The following CDH20 variants were observed in gnomAD, a reference collection of about 807,000 sequenced individuals.
CDH20 encodes cadherin-20.
Under a neutral mutation model 74.2 loss-of-function variants are expected in CDH20, and 29 were observed. The ratio of observed to expected loss-of-function variants is 0.39; its 90% CI spans 0.29 to 0.53. CDH20 has a LOEUF of 0.53. CDH20 is among the 20% of genes least tolerant of loss of function. The pLI is 0.69. For synonymous variants in CDH20, 469 were observed against 405.4 expected, an observed-to-expected ratio of 1.16 and a Z score of -1.88; for missense variants, 988 against 1,048.3, an observed-to-expected ratio of 0.94 and a Z score of 0.79.
Position 61,359,749 on chromosome 18 carries a change from A to G in CDH20, c.-153+25922A>G, listed in dbSNP as rs75889075. 4.1e-4 allele frequency among the ~76,000 whole-genome samples: 63 copies of G among 152,356 alleles called. No homozygotes were observed. In the East Asian group the frequency reaches 0.01, roughly 25 times the overall value. ...TGTTTGGAAACAATAGATGTTCCTT[A>G]TAGGTGACCCAAAATTGATCTTTCT... On this transcript the variant is annotated intron_variant, in intron 1 of 11. Transcript: ENST00000262717.
intron 3 of CDH20, among the ~76,000 whole-genome samples, chr18:61,500,121 A>G (rs1487399166): frequency 5.2e-5 from 1 of 19,262 alleles, no homozygotes; most frequent in African/African-American, 2.8e-4. Context: ...AAAAAAAAAA[A>G]AAAAAAAAAA....
chr18:61,465,904 T>G (rs1909945462), intron 1 of CDH20, among the ~76,000 whole-genome samples: 1 of 151,598 alleles, frequency 6.6e-6, no homozygotes, highest in Non-Finnish European at 1.5e-5. Flanking sequence ...AAAAAAAAAT[T>G]TACAAATTAG....
chr18:61,411,154 C>T (rs1016602397), intron 1 of CDH20, among the ~76,000 whole-genome samples: 1 of 149,910 alleles, frequency 6.7e-6, no homozygotes, highest in South Asian at 2.1e-4. Flanking sequence ...AGCCGAGATA[C>T]GCCACTGCAC....
At chr18:61,474,636 T>C (rs1184369792) in intron 1 of CDH20, among the ~76,000 whole-genome samples, 2 of 152,218 alleles carry the variant, frequency 1.3e-5, no homozygotes, top group East Asian at 3.9e-4. Context: ...GTTCACTTTT[T>C]ATTTAAATAA....
At position 61,539,110 on chromosome 18, in the gene CDH20, G is replaced by A. The variant is rs773156060; in HGVS notation, c.1495G>A (p.Glu499Lys). 6.2e-7 allele frequency: 1 copy of A among 1,613,946 alleles called. No homozygotes were observed. Among genetic ancestry groups the A allele is most frequent in the African/African-American group, 1.3e-5 (1 of 74,896 alleles). Reference protein sequence around the residue: ...DNAPEFPRFYEAFVCENAKAG... With the variant: ...DNAPEFPRFYKAFVCENAKAG... ...TGCTCCAGAGTTCCCCAGATTCTAT[G>A]AAGCTTTTGTCTGTGAGAACGCCAA... The change falls in exon 9 of 12, where the codon GAA becomes AAA. Residue 499 changes from glutamate (E) to lysine (K), a missense_variant. Coordinates refer to ENST00000262717, the MANE Select transcript of CDH20 (RefSeq NM_031891.4).
At chr18:61,442,377 A>AT (rs1471328778) in intron 1 of CDH20, among the ~76,000 whole-genome samples, 1 of 151,086 alleles carries the variant, frequency 6.6e-6, no homozygotes, top group Non-Finnish European at 1.5e-5. Flanking sequence ...AAAGAAAAAA[A>AT]AAAAAAACAG....
At chr18:61,528,354 G>T (rs1460938174) in intron 7 of CDH20, 134 bp downstream of exon 7, 82 of 873,098 alleles carry the variant, frequency 9.4e-5, no homozygotes, top group South Asian at 4.0e-4. Context: ...TGAGTTTTTT[G>T]TGTTGTTTTT....
intron 4 of CDH20, among the ~76,000 whole-genome samples, chr18:61,502,268 C>G (rs778842719): frequency 6.6e-6 from 1 of 152,010 alleles, no homozygotes; most frequent in African/African-American, 2.4e-5. Flanking sequence ...TAAATGAAAC[C>G]GTATCTGCTG....
intron 1 of CDH20, chr18:61,405,171 T>G: frequency 1.9e-6 from 1 of 515,312 alleles, no homozygotes; most frequent in Admixed American, 2.6e-5. Flanking sequence ...ATTGATCAAC[T>G]CCAGCGACTT....
intron 2 of CDH20, among the ~76,000 whole-genome samples, chr18:61,495,853 T>G (rs2144307553): frequency 2.0e-5 from 3 of 152,250 alleles, no homozygotes; most frequent in Admixed American, 2.0e-4. Context: ...TTTTGTTCCC[T>G]GACTACACCA....
intron 1 of CDH20, among the ~76,000 whole-genome samples, chr18:61,425,685 G>A (rs1299187452): frequency 6.6e-6 from 1 of 152,124 alleles, no homozygotes; most frequent in Non-Finnish European, 1.5e-5. Flanking sequence ...TTATATAATG[G>A]ACTTAGGGGA....
chr18:61,554,447 A>T lies in CDH20; in HGVS notation c.2158A>T (p.Ser720Cys), dbSNP rs1465009645. ...CGTGCCTCAGACGTGCGCAGTGAAC[A>T]GCACTGTCCACAGCTACGTGCTGGC... is the stretch of plus-strand genomic sequence containing the variant. Reference protein sequence around the residue: ...RYVPQTCAVNSTVHSYVLAKL... With the variant: ...RYVPQTCAVNCTVHSYVLAKL... Residue 720 changes from serine (S) to cysteine (C), a missense_variant, in exon 12 of 12, where the codon AGC (serine) becomes TGC (cysteine). Ser to Cys is a moderately radical substitution (Grantham distance 112). This residue lies in a region of CDH20 where 375 missense variants were observed against 293.1 expected (regional missense o/e 1.28). Coordinates refer to ENST00000262717, the MANE Select transcript of CDH20 (RefSeq NM_031891.4). 1 of 1,613,364 alleles carries T rather than the reference A, an allele frequency of 6.2e-7. No homozygotes were observed. The highest frequency in any genetic ancestry group is 1.7e-5 in the Admixed American group (1 of 60,008).
At chr18:61,538,191 C>T (rs1296429372) in intron 8 of CDH20, among the ~76,000 whole-genome samples, 3 of 152,148 alleles carry the variant, frequency 2.0e-5, no homozygotes, top group African/African-American at 4.8e-5. Flanking sequence ...TAACTCGAAA[C>T]CTTTGCAAAT....
At chr18:61,371,084 G>A (rs74963606) in intron 1 of CDH20, among the ~76,000 whole-genome samples, 5,893 of 152,142 alleles carry the variant, frequency 0.039, 165 homozygotes, top group South Asian at 0.082. Context: ...GATTAAGAAT[G>A]AATTTTACCA....
intron 2 of CDH20, among the ~76,000 whole-genome samples, chr18:61,496,603 G>A (rs963299928): frequency 2.0e-5 from 3 of 152,134 alleles, no homozygotes; most frequent in Admixed American, 6.5e-5. Context: ...GAGCTCTGCC[G>A]CTGTCGCTGT....
At chr18:61,348,889 C>T (rs933424634) in intron 1 of CDH20, among the ~76,000 whole-genome samples, 2 of 151,994 alleles carry the variant, frequency 1.3e-5, no homozygotes, top group East Asian at 3.9e-4. Flanking sequence ...CTAGGTGTAG[C>T]TTTGTGGGGC....
intron 9 of CDH20, among the ~76,000 whole-genome samples, chr18:61,540,731 G>T (rs573910087): frequency 1.3e-5 from 2 of 152,112 alleles, no homozygotes; most frequent in Non-Finnish European, 2.9e-5. Flanking sequence ...CACTCCCTGG[G>T]AGTAGTACCT....
chr18:61,426,834 C>T (rs549601229), intron 1 of CDH20, among the ~76,000 whole-genome samples: 39 of 152,332 alleles, frequency 2.6e-4, no homozygotes, highest in Non-Finnish European at 5.0e-4. Flanking sequence ...AGCCTGTGTG[C>T]TCTGTCAGGA....
At chr18:61,366,994 T>G (rs1410213677) in intron 1 of CDH20, among the ~76,000 whole-genome samples, 5 of 152,160 alleles carry the variant, frequency 3.3e-5, no homozygotes, top group Admixed American at 3.3e-4. Context: ...ATCTGTGGTA[T>G]GACTTAGAGG....
Sources: gnomAD v4.1 joint callset for allele counts (sites outside exome capture counted in the v4.1 genomes callset) on GRCh38, gnomAD v4.1.1 for gene constraint, gnomAD v4.1.1 regional missense constraint, MANE v1.5 for transcripts, NCBI Gene and HGNC (gene_info 2026-07-23, HGNC 2026-07-21) for gene names.